Variants in SIAH3 observed in about 807,000 individuals in gnomAD.
SIAH3 encodes the protein siah E3 ubiquitin protein ligase family member 3.
SIAH3 carries 9 observed loss-of-function variants against 12.6 expected under a neutral mutation model. That is an observed-to-expected ratio of 0.72 (90% confidence interval 0.43 to 1.25). SIAH3 has a LOEUF of 1.25. Ranked by LOEUF, SIAH3 falls within the 50% of genes most tolerant of loss-of-function variation. The pLI, the probability that SIAH3 is intolerant of heterozygous loss-of-function variation, is 0.00. For synonymous variants in SIAH3, 154 were observed against 151.1 expected, an observed-to-expected ratio of 1.02 and a Z score of -0.14; for missense variants, 390 against 365.4, an observed-to-expected ratio of 1.07 and a Z score of -0.55.
Position 45,848,199 on chromosome 13 carries a change from G to C in SIAH3, c.135+3296C>G, listed in dbSNP as rs1331009470. 3.3e-5 allele frequency among the ~76,000 whole-genome samples: 5 copies of C among 152,224 alleles called. No individual in the cohort carries two copies. The East Asian group carries it at 9.6e-4, about 29-fold the overall frequency. On this transcript the variant is annotated intron_variant, in intron 1 of 1. Coordinates refer to ENST00000400405, the MANE Select transcript of SIAH3 (RefSeq NM_198849.3). ...GAGGAAGCAGAGGGCAGCTGGCCAA[G>C]AGAGCTGGCTCCTTGACGGTCACTT...
intron 1 of SIAH3, among the ~76,000 whole-genome samples, chr13:45,825,614 T>C (rs1489736602): frequency 1.3e-5 from 2 of 152,182 alleles, no homozygotes; most frequent in East Asian, 3.9e-4. Flanking sequence ...AAGGTAACCA[T>C]AGGGGAAAAT....
At chr13:45,790,798 T>C (rs1373885007) in intron 1 of SIAH3, among the ~76,000 whole-genome samples, 1 of 152,236 alleles carries the variant, frequency 6.6e-6, no homozygotes, top group African/African-American at 2.4e-5. Context: ...AAGACAGGAA[T>C]GCTGCCTCCC....
intron 1 of SIAH3, among the ~76,000 whole-genome samples, chr13:45,801,545 C>T (rs1443792319): frequency 1.3e-5 from 2 of 152,114 alleles, no homozygotes; most frequent in Non-Finnish European, 2.9e-5. Context: ...CCATGACTTG[C>T]AGGCTGTATT....
intron 1 of SIAH3, among the ~76,000 whole-genome samples, chr13:45,837,607 G>A (rs960256636): frequency 6.6e-5 from 10 of 150,942 alleles, no homozygotes; most frequent in Admixed American, 5.9e-4. Flanking sequence ...GAGGGACAGA[G>A]GGAGGGAGGG....
chr13:45,811,576 C>T (rs1472533891), intron 1 of SIAH3, among the ~76,000 whole-genome samples: 1 of 152,132 alleles, frequency 6.6e-6, no homozygotes, highest in Non-Finnish European at 1.5e-5. Context: ...AATCCTCCAT[C>T]CTCAACCTCC....
rs112885029 is a variant in SIAH3 at position 45,791,692 on chromosome 13, C to T, written c.136-7635G>A. ...TAAAAGCTTTGAAGAAGAAATTTCT[C>T]CTGCCAGAGAGGTACTTGCTTTGCT... On this transcript the variant is annotated intron_variant, in intron 1 of 1. Coordinates refer to ENST00000400405, the MANE Select transcript of SIAH3 (RefSeq NM_198849.3). Among the ~76,000 whole-genome samples the T allele has an allele frequency of 1.7e-3, 266 of 152,306 alleles. 1 individual carries two copies. The highest frequency in any genetic ancestry group is 2.5e-3 in the Non-Finnish European group (173 of 68,018).
rs34053407 is a variant in SIAH3 at position 45,845,187 on chromosome 13, A to ATT, written c.135+6306_135+6307dup. Among the ~76,000 whole-genome samples, 268 of 140,496 alleles carry ATT rather than the reference A, an allele frequency of 1.9e-3. 2 individuals carry two copies. The highest frequency in any genetic ancestry group is 6.6e-3 in the African/African-American group (249 of 37,618). 92.2% of individuals were successfully genotyped at this position (140,496 alleles called of 152,430 possible). A position where few individuals can be genotyped will look rare whatever the true frequency, so the allele number is the denominator to read the frequency against. ...CAGAGAGTTCTCATTTGTTTTATGC[A>ATT]TTTTTTTTTTTTTTTGCAAATTTGA... On this transcript the variant is annotated intron_variant, in intron 1 of 1. Transcript: ENST00000400405.
intron 1 of SIAH3, among the ~76,000 whole-genome samples, chr13:45,846,084 CTTTTTTTTTT>C (rs386379026): frequency 2.8e-4 from 24 of 85,692 alleles, no homozygotes; most frequent in African/African-American, 1.2e-3. Flanking sequence ...GACCTAACTT[CTTTTTTTTTT>C]TTTTTTTTTT....
intron 1 of SIAH3, among the ~76,000 whole-genome samples, chr13:45,829,860 G>T (rs1466978990): frequency 6.6e-6 from 1 of 152,012 alleles, no homozygotes; most frequent in Non-Finnish European, 1.5e-5. Flanking sequence ...AGAGGCGCTT[G>T]GGTTCGAGGC....
At chr13:45,816,930 A>G (rs1025842714) in intron 1 of SIAH3, among the ~76,000 whole-genome samples, 6 of 152,248 alleles carry the variant, frequency 3.9e-5, no homozygotes, top group African/African-American at 1.4e-4. Flanking sequence ...GCTGTACTAG[A>G]TAATGGTTAG....
chr13:45,846,967 T>TCACAGA, intron 1 of SIAH3, among the ~76,000 whole-genome samples: 1 of 152,278 alleles, frequency 6.6e-6, no homozygotes, highest in East Asian at 1.9e-4. Context: ...CATACAATAT[T>TCACAGA]CACAGAACCC....
At chr13:45,848,104 A>C (rs1950766819) in intron 1 of SIAH3, among the ~76,000 whole-genome samples, 1 of 152,152 alleles carries the variant, frequency 6.6e-6, no homozygotes, top group Non-Finnish European at 1.5e-5. Flanking sequence ...CTGAATCAGG[A>C]CCAGGAGCAG....
chr13:45,843,532 C>T (rs537864969), intron 1 of SIAH3, among the ~76,000 whole-genome samples: 146 of 152,256 alleles, frequency 9.6e-4, no homozygotes, highest in Non-Finnish European at 1.9e-3. Flanking sequence ...ATGACAGGTC[C>T]CAGCTCGTTC....
chr13:45,788,097 G>A (rs927985413), intron 1 of SIAH3, among the ~76,000 whole-genome samples: 2 of 152,200 alleles, frequency 1.3e-5, no homozygotes, highest in African/African-American at 4.8e-5. Flanking sequence ...TGAGACCTGT[G>A]TACTTGCTGT....
rs576798136 is a variant in SIAH3, at chr13:45,824,328, G to A, written c.135+27167C>T. Among the ~76,000 whole-genome samples, 6 of 152,342 alleles carry A rather than the reference G, an allele frequency of 3.9e-5. No homozygotes were observed. In the East Asian group the frequency reaches 1.2e-3, roughly 29 times the overall value. ...TGTTAGCTGCCTCAAAGGGTTGTAA[G>A]TTAGATTGAATGTAGTCAGGCCCAC... is the stretch of plus-strand genomic sequence containing the variant. On this transcript the variant is annotated intron_variant, in intron 1 of 1. Coordinates refer to ENST00000400405, the MANE Select transcript of SIAH3 (RefSeq NM_198849.3).
intron 1 of SIAH3, among the ~76,000 whole-genome samples, chr13:45,828,567 CTTAT>C (rs1950687081): frequency 6.6e-6 from 1 of 152,186 alleles, no homozygotes; most frequent in African/African-American, 2.4e-5. Flanking sequence ...GCTATCCCAG[CTTAT>C]CTAATGAAAG....
chr13:45,784,182 AAAC>A, intron 1 of SIAH3, 125 bp from the exon 2 acceptor site: 1 of 855,454 alleles, frequency 1.2e-6, no homozygotes, highest in South Asian at 1.8e-5. Context: ...TTCATTTCTT[AAAC>A]AACAAACAAA....
chr13:45,788,156 T>C (rs1317927587), intron 1 of SIAH3, among the ~76,000 whole-genome samples: 1 of 152,232 alleles, frequency 6.6e-6, no homozygotes, highest in African/African-American at 2.4e-5. Context: ...TTTTATTTCT[T>C]CCTGCTCCAT....
At chr13:45,837,693 G>A (rs2137580878) in intron 1 of SIAH3, among the ~76,000 whole-genome samples, 1 of 152,258 alleles carries the variant, frequency 6.6e-6, no homozygotes, top group South Asian at 2.1e-4. Flanking sequence ...CCAGGATCTG[G>A]TCTAGGTGCT....
Sources: gnomAD v4.1 joint callset for allele counts (sites outside exome capture counted in the v4.1 genomes callset) on GRCh38, gnomAD v4.1.1 for gene constraint, MANE v1.5 for transcripts, NCBI Gene and HGNC (gene_info 2026-07-23, HGNC 2026-07-21) for gene names.